Variants in HTR1F observed in about 807,000 individuals in gnomAD.
The protein encoded by HTR1F is 5-hydroxytryptamine receptor 1F, also known as 5-hydroxytryptamine (serotonin) receptor 1F, G protein-coupled.
HTR1F carries 17 observed loss-of-function variants against 24.0 expected under a neutral mutation model. The ratio of observed to expected loss-of-function variants is 0.71; its 90% CI spans 0.48 to 1.06. The LOEUF (loss-of-function observed/expected upper bound fraction) is 1.06, where lower values mean the gene tolerates loss of function less well. Ranked by LOEUF, HTR1F falls within the 50% of genes least tolerant of loss-of-function variation. HTR1F has a pLI of 0.00. For synonymous variants in HTR1F, 186 were observed against 156.8 expected (o/e 1.19, Z -1.39); for missense variants, 391 against 427.8 (o/e 0.91, Z 0.76).
intron 2 of HTR1F, among the ~76,000 whole-genome samples, chr3:87,850,452 C>T (rs891667497): frequency 5.9e-5 from 9 of 151,728 alleles, no homozygotes; most frequent in African/African-American, 2.2e-4. Context: ...ACACCGGGGC[C>T]TGTTGTGGGG....
At chr3:87,972,393 C>T (rs1641132259) in intron 2 of HTR1F, among the ~76,000 whole-genome samples, 1 of 152,174 alleles carries the variant, frequency 6.6e-6, no homozygotes, top group African/African-American at 2.4e-5. Flanking sequence ...ATGAGTACTT[C>T]ACATACATTT....
At chr3:87,824,364 A>G (rs1436825066) in intron 2 of HTR1F, among the ~76,000 whole-genome samples, 1 of 152,170 alleles carries the variant, frequency 6.6e-6, no homozygotes, top group East Asian at 1.9e-4. Flanking sequence ...GCCCTTTAAA[A>G]TGCGACATGA....
chr3:87,882,054 T>A lies in HTR1F; in HGVS notation c.-43+59930T>A, dbSNP rs111800760. On this transcript the variant is annotated intron_variant, in intron 2 of 2. Coordinates refer to ENST00000319595, the MANE Select transcript of HTR1F (RefSeq NM_001322209.2). ...CCCATCAAAAAGTGGGTGAAAGACA[T>A]GAACAGACACTTCTCAAAAGAGGAC... 3.7e-3 allele frequency among the ~76,000 whole-genome samples: 559 copies of A among 152,230 alleles called. 4 individuals carry two copies. The highest frequency in any genetic ancestry group is 0.013 in the African/African-American group (535 of 41,514).
rs192125555 is a variant in HTR1F at position 87,854,533 on chromosome 3, C to T, written c.-43+32409C>T. 6.6e-5 allele frequency among the ~76,000 whole-genome samples: 10 copies of T among 152,004 alleles called. 1 individual carries two copies. Among genetic ancestry groups the T allele is most frequent in the Non-Finnish European group, 1.5e-4 (10 of 67,900 alleles). On this transcript the variant is annotated intron_variant, in intron 2 of 2. Coordinates refer to ENST00000319595, the MANE Select transcript of HTR1F (RefSeq NM_001322209.2). ...AGTACAGTTTTTGTTGCTTTCCATT[C>T]ATTCTGATGTGAAAGATTAAGTGCT...
chr3:87,877,785 G>T lies in HTR1F; in HGVS notation c.-43+55661G>T, dbSNP rs201991875. Among the ~76,000 whole-genome samples, 13 of 152,302 alleles carry T rather than the reference G, an allele frequency of 8.5e-5. No individual in the cohort carries two copies. The East Asian group carries it at 2.5e-3, about 29-fold the overall frequency. On this transcript the variant is annotated intron_variant, in intron 2 of 2. Transcript: ENST00000319595. ...GAGCTCAAATGTGTAAAGCAGGCTT[G>T]CACAGAAGAAGAAATCAATACAAAT...
chr3:87,986,734 A>T (rs192134619), intron 2 of HTR1F, among the ~76,000 whole-genome samples: 327 of 152,334 alleles, frequency 2.1e-3, no homozygotes, highest in African/African-American at 7.6e-3. Flanking sequence ...TATCAGGCAA[A>T]TTAAAATGGA....
intron 1 of HTR1F, among the ~76,000 whole-genome samples, chr3:87,812,199 C>G (rs1704171908): frequency 6.6e-6 from 1 of 152,194 alleles, no homozygotes; most frequent in Middle Eastern, 3.4e-3. Context: ...AACTTTGGAA[C>G]TGGGTAATGG....
rs147793323 is a variant in HTR1F, at chr3:87,977,643, G to A, written c.-42-13065G>A. Among the ~76,000 whole-genome samples, 477 of 149,438 alleles carry A rather than the reference G, an allele frequency of 3.2e-3. 1 individual carries two copies. Among genetic ancestry groups the A allele is most frequent in the African/African-American group, 0.011 (450 of 40,510 alleles). On this transcript the variant is annotated intron_variant, in intron 2 of 2. Coordinates refer to ENST00000319595, the MANE Select transcript of HTR1F (RefSeq NM_001322209.2). ...TCACCTTGTTAGCCAGGATGGTCTC[G>A]ATCTCCTGACCTCATGATCCGCCCA...
chr3:87,958,266 C>T lies in HTR1F; in HGVS notation c.-42-32442C>T, dbSNP rs570951798. On this transcript the variant is annotated intron_variant, in intron 2 of 2. Transcript: ENST00000319595. ...GGTGGAAAATTGTGTTGTTTAGATCCTTTATATCCTTACTGTTTGGGTGGT... is the reference window on the plus strand; with the variant it reads ...GGTGGAAAATTGTGTTGTTTAGATCTTTTATATCCTTACTGTTTGGGTGGT... 1.5e-3 allele frequency among the ~76,000 whole-genome samples: 223 copies of T among 151,396 alleles called. 2 individuals are homozygous for T. The highest frequency in any genetic ancestry group is 0.014 in the South Asian group (69 of 4,804).
intron 2 of HTR1F, among the ~76,000 whole-genome samples, chr3:87,908,635 C>G (rs1178724437): frequency 6.6e-6 from 1 of 151,966 alleles, no homozygotes; most frequent in East Asian, 1.9e-4. Flanking sequence ...TCCATTTCCT[C>G]TTTTTAAATC....
intron 2 of HTR1F, among the ~76,000 whole-genome samples, chr3:87,885,691 A>G (rs1705922828): frequency 6.6e-6 from 1 of 152,204 alleles, no homozygotes; most frequent in African/African-American, 2.4e-5. Flanking sequence ...ACAAACTACC[A>G]TCAGAGAATA....
intron 2 of HTR1F, among the ~76,000 whole-genome samples, chr3:87,950,640 C>A (rs1385746224): frequency 1.3e-5 from 2 of 151,746 alleles, no homozygotes; most frequent in Non-Finnish European, 1.5e-5. Flanking sequence ...TGATTATAAT[C>A]TGGAATAATA....
chr3:87,798,777 T>C (rs1236113213), intron 1 of HTR1F, among the ~76,000 whole-genome samples: 1 of 152,180 alleles, frequency 6.6e-6, no homozygotes, highest in East Asian at 1.9e-4. Context: ...CTCAGTAACA[T>C]TGGACAAAGC....
At chr3:87,953,417 T>A (rs1704877494) in intron 2 of HTR1F, among the ~76,000 whole-genome samples, 1 of 150,178 alleles carries the variant, frequency 6.7e-6, no homozygotes, top group Non-Finnish European at 1.5e-5. Context: ...AAAAAAGACA[T>A]ACAAATGGCC....
At chr3:87,870,851 G>A (rs1705538366) in intron 2 of HTR1F, among the ~76,000 whole-genome samples, 1 of 152,034 alleles carries the variant, frequency 6.6e-6, no homozygotes, top group African/African-American at 2.4e-5. Flanking sequence ...CACAATTCCA[G>A]AGAAAATGCA....
chr3:87,961,859 G>A (rs1250241215), intron 2 of HTR1F, among the ~76,000 whole-genome samples: 1 of 151,200 alleles, frequency 6.6e-6, no homozygotes, highest in Non-Finnish European at 1.5e-5. Flanking sequence ...GACAAAATGT[G>A]TAAGGGTTGT....
At chr3:87,932,563 T>C (rs1256615762) in intron 2 of HTR1F, among the ~76,000 whole-genome samples, 1 of 152,114 alleles carries the variant, frequency 6.6e-6, no homozygotes. Context: ...TTAAAGTAGT[T>C]TTTTCCAATT....
chr3:87,842,366 C>G (rs1704827720), intron 2 of HTR1F, among the ~76,000 whole-genome samples: 1 of 151,674 alleles, frequency 6.6e-6, no homozygotes, highest in South Asian at 2.1e-4. Flanking sequence ...GTTTCACTGT[C>G]TTGGCCAGGC....
chr3:87,971,602 C>T (rs1477266493), intron 2 of HTR1F, among the ~76,000 whole-genome samples: 1 of 152,084 alleles, frequency 6.6e-6, no homozygotes, highest in African/African-American at 2.4e-5. Flanking sequence ...GTAACAAATG[C>T]ATAATGGGTG....
Sources: gnomAD v4.1 joint callset for allele counts (sites outside exome capture counted in the v4.1 genomes callset) on GRCh38, gnomAD v4.1.1 for gene constraint, MANE v1.5 for transcripts, NCBI Gene and HGNC (gene_info 2026-07-23, HGNC 2026-07-21) for gene names.